The following ARFGEF2 variants were observed in gnomAD, a reference collection of about 807,000 sequenced individuals.
The protein encoded by ARFGEF2 is ARF guanine nucleotide exchange factor 2, also known as brefeldin A-inhibited guanine nucleotide-exchange protein 2.
A neutral mutation model predicts 219.9 loss-of-function variants in ARFGEF2; 74 were observed. That is an observed-to-expected ratio of 0.34 (90% CI 0.28 to 0.41). The LOEUF is 0.41. Among genes scored for constraint, ARFGEF2 ranks in the 10% least tolerant of loss-of-function variants. The pLI is 1.00. For missense variants in ARFGEF2, 1,743 were observed against 2,218.3 expected (o/e 0.79, Z 4.30); for synonymous variants, 733 against 799.2 (o/e 0.92, Z 1.40).
intron 36 of ARFGEF2, among the ~76,000 whole-genome samples, chr20:49,027,359 GAA>G (rs2091609924): frequency 6.6e-6 from 1 of 152,092 alleles, no homozygotes; most frequent in South Asian, 2.1e-4. Context: ...TGTTACATTT[GAA>G]AAGACAAAAC....
chr20:48,957,873 A>G (rs561256918), intron 6 of ARFGEF2, among the ~76,000 whole-genome samples: 5 of 152,274 alleles, frequency 3.3e-5, no homozygotes, highest in Admixed American at 2.6e-4. Flanking sequence ...CATAAGTACT[A>G]TTATGGATCC....
intron 37 of ARFGEF2, among the ~76,000 whole-genome samples, chr20:49,031,148 C>T (rs2091631498): frequency 2.0e-5 from 3 of 151,460 alleles, no homozygotes; most frequent in Admixed American, 2.0e-4. Context: ...TAGCCATGTG[C>T]CAGGACTGAG....
rs985006506 is a variant in ARFGEF2 at position 48,943,647 on chromosome 20, T to C, written c.276+1660T>C. ...GTGCAGTGCCTTGATAATAGCTCACTAGAGCCTCTAACTCCTGGGCTCAAA... is the reference window on the plus strand; with the variant it reads ...GTGCAGTGCCTTGATAATAGCTCACCAGAGCCTCTAACTCCTGGGCTCAAA... On this transcript the variant is annotated intron_variant, in intron 3 of 38. Transcript: ENST00000371917. Among the ~76,000 whole-genome samples, 8 of 152,188 alleles carry C rather than the reference T, an allele frequency of 5.3e-5. No individual in the cohort carries two copies. The South Asian group carries it at 1.2e-3, about 24-fold the overall frequency.
chr20:48,928,478 G>A (rs2090892511), intron 1 of ARFGEF2, among the ~76,000 whole-genome samples: 1 of 144,450 alleles, frequency 6.9e-6, no homozygotes. Flanking sequence ...GATTACAGGC[G>A]TGAGCCACCG....
At chr20:48,984,957 G>C (rs2091318278) in intron 15 of ARFGEF2, 117 bp downstream of exon 15, 1 of 1,556,666 alleles carries the variant, frequency 6.4e-7, no homozygotes. Flanking sequence ...TCCACCCCCG[G>C]GTTATACATT....
chr20:49,035,861 C>T lies in ARFGEF2; in HGVS notation c.*2662C>T, dbSNP rs560275927. On this transcript the variant is annotated 3_prime_UTR_variant, in exon 39 of 39. Coordinates refer to ENST00000371917, the MANE Select transcript of ARFGEF2 (RefSeq NM_006420.3). ...GGATGGGTAATTTTTATTTCTGATA[C>T]GCATCTTTAGAGTCAAATATATCTT... 2 of 242,526 alleles carry T rather than the reference C, an allele frequency of 8.2e-6. No homozygotes were observed. Among genetic ancestry groups the T allele is most frequent in the Non-Finnish European group, 1.6e-5 (2 of 128,032 alleles). 15.0% of individuals were successfully genotyped at this position (242,526 alleles called of 1,614,324 possible). A position where few individuals can be genotyped will look rare whatever the true frequency, so the allele number is the denominator to read the frequency against.
chr20:48,937,500 A>G (rs2090966324), intron 1 of ARFGEF2, among the ~76,000 whole-genome samples: 2 of 152,018 alleles, frequency 1.3e-5, no homozygotes, highest in Non-Finnish European at 2.9e-5. Context: ...TGCCCACCTC[A>G]GCCTCCCAAA....
intron 37 of ARFGEF2, among the ~76,000 whole-genome samples, chr20:49,029,674 G>A (rs1007591679): frequency 2.7e-5 from 4 of 149,818 alleles, no homozygotes; most frequent in African/African-American, 7.4e-5. Context: ...TCACTGCAAG[G>A]TCCACTTCCT....
intron 25 of ARFGEF2, 60 bp from the exon 26 acceptor site, chr20:49,005,010 G>T (rs1463497105): frequency 1.9e-5 from 30 of 1,598,306 alleles, no homozygotes; most frequent in Non-Finnish European, 2.5e-5. Flanking sequence ...GCTGTTGAGA[G>T]ACCCACGTCG....
chr20:49,011,242 G>A (rs1026099116), intron 27 of ARFGEF2, among the ~76,000 whole-genome samples: 2 of 152,128 alleles, frequency 1.3e-5, no homozygotes, highest in African/African-American at 4.8e-5. Context: ...GTTATGTCTT[G>A]ATCAGCTGAT....
chr20:49,017,195 T>G (rs1372510378), intron 31 of ARFGEF2, 54 bp from the exon 32 acceptor site: 1 of 1,586,882 alleles, frequency 6.3e-7, no homozygotes, highest in African/African-American at 1.3e-5. Flanking sequence ...TGAGACCTGG[T>G]TGGCATCAAA....
chr20:49,030,109 G>A (rs550911435), intron 37 of ARFGEF2, among the ~76,000 whole-genome samples: 4 of 150,750 alleles, frequency 2.7e-5, no homozygotes, highest in Admixed American at 1.3e-4. Flanking sequence ...AAAGTTTCAC[G>A]ATATTGGCCA....
rs773265693 is a variant in ARFGEF2, at chr20:48,965,853, TTTGTAC to T, written c.908-14_908-9del. 1 of 1,614,098 alleles carries T rather than the reference TTTGTAC, an allele frequency of 6.2e-7. No individual in the cohort carries two copies. Among genetic ancestry groups the T allele is most frequent in the Non-Finnish European group, 8.5e-7 (1 of 1,179,956 alleles). On this transcript the variant is annotated splice_polypyrimidine_tract_variant and intron_variant, in intron 7 of 38. Coordinates refer to ENST00000371917, the MANE Select transcript of ARFGEF2 (RefSeq NM_006420.3). Reference sequence around the variant, plus strand: ...AGTACAGTACTAATTTGGCTATGACTTTGTACTTGTGTTTTAAGAAGCAGCGGAAAA... The same window carrying T: ...AGTACAGTACTAATTTGGCTATGACTTTGTGTTTTAAGAAGCAGCGGAAAA...
At chr20:49,015,806 G>A (rs1393435451) in intron 30 of ARFGEF2, among the ~76,000 whole-genome samples, 1 of 152,194 alleles carries the variant, frequency 6.6e-6, no homozygotes, top group African/African-American at 2.4e-5. Context: ...AACTGCTAGT[G>A]AGGTGGCATA....
At chr20:48,963,806 T>A (rs561303664) in intron 6 of ARFGEF2, 24 bp from the exon 7 acceptor site, 3 of 1,611,004 alleles carry the variant, frequency 1.9e-6, no homozygotes, top group South Asian at 2.2e-5. Flanking sequence ...CACGTGTGTT[T>A]TGTATATTTG....
In ARFGEF2 at chr20:48,998,262, G is replaced by A. The variant is rs2091403890; in HGVS notation, c.3262+29G>A. The A allele has an allele frequency of 1.9e-6, 3 of 1,614,106 alleles. No individual in the cohort carries two copies. In the East Asian group the frequency reaches 6.7e-5, roughly 36 times the overall value. ...TGTATTTGACTTACCTGTGAAAACTGCAGAAGCCTCACGCTGTGACCGTCT... is the reference window on the plus strand; with the variant it reads ...TGTATTTGACTTACCTGTGAAAACTACAGAAGCCTCACGCTGTGACCGTCT... On this transcript the variant is annotated intron_variant, in intron 24 of 38. Transcript: ENST00000371917.
At chr20:48,933,968 AAATT>A (rs773739432) in intron 1 of ARFGEF2, among the ~76,000 whole-genome samples, 12 of 151,958 alleles carry the variant, frequency 7.9e-5, no homozygotes, top group Non-Finnish European at 1.5e-4. Flanking sequence ...AAAAATATAA[AAATT>A]AACCGGGCAT....
intron 25 of ARFGEF2, among the ~76,000 whole-genome samples, chr20:49,000,117 C>G (rs1165145851): frequency 6.6e-6 from 1 of 152,192 alleles, no homozygotes; most frequent in Non-Finnish European, 1.5e-5. Flanking sequence ...AGATGGGCAC[C>G]TCATTACCTC....
rs1205947314 is a variant in ARFGEF2, at chr20:48,991,024, T to C, written c.2815-16T>C. The C allele has an allele frequency of 1.2e-6, 2 of 1,612,712 alleles. No homozygotes were observed. Among genetic ancestry groups the C allele is most frequent in the Non-Finnish European group, 1.7e-6 (2 of 1,179,336 alleles). ...AGGTTGGAGTCACAGTGTTCTCTCTTGGGTTTCTGTTACAGCTGGAACGAG... is the reference window on the plus strand; with the variant it reads ...AGGTTGGAGTCACAGTGTTCTCTCTCGGGTTTCTGTTACAGCTGGAACGAG... On this transcript the variant is annotated splice_polypyrimidine_tract_variant and intron_variant, in intron 20 of 38. Transcript: ENST00000371917.
Sources: allele counts gnomAD v4.1 joint callset (sites outside exome capture counted in the v4.1 genomes callset), GRCh38; gene constraint gnomAD v4.1.1; transcripts MANE v1.5; gene names NCBI Gene and HGNC (gene_info 2026-07-23, HGNC 2026-07-21).